Variants in KAZN observed in about 807,000 individuals in gnomAD.
KAZN encodes kazrin.
A neutral mutation model predicts 87.4 loss-of-function variants in KAZN; 40 were observed. That is an observed-to-expected ratio of 0.46 (90% confidence interval 0.36 to 0.60). The LOEUF (loss-of-function observed/expected upper bound fraction) is 0.60. Among genes scored for constraint, KAZN ranks in the 20% least tolerant of loss-of-function variants. KAZN has a pLI of 0.00. For synonymous variants in KAZN, 466 were observed against 458.3 expected (o/e 1.02, Z -0.22); for missense variants, 898 against 1,073.9 (o/e 0.84, Z 2.29).
intron 1 of KAZN, among the ~76,000 whole-genome samples, chr1:14,880,371 G>T (rs755632459): frequency 4.5e-4 from 69 of 152,186 alleles, no homozygotes; most frequent in Admixed American, 2.6e-4. Context: ...GTGGAGCTAG[G>T]ATTTGCACCT....
intron 1 of KAZN, among the ~76,000 whole-genome samples, chr1:14,123,897 T>C (rs1041381901): frequency 1.3e-5 from 2 of 152,184 alleles, no homozygotes; most frequent in Admixed American, 6.5e-5. Context: ...TGGGGCCTTT[T>C]CTTCACCAGC....
At chr1:13,935,088 T>G (rs1483106860) in intron 1 of KAZN, among the ~76,000 whole-genome samples, 1 of 149,922 alleles carries the variant, frequency 6.7e-6, no homozygotes, top group Non-Finnish European at 1.5e-5. Flanking sequence ...GATAGAAAAA[T>G]TAGCCAGGTG....
At chr1:14,971,791 G>T (rs1318800033) in intron 2 of KAZN, among the ~76,000 whole-genome samples, 2 of 150,738 alleles carry the variant, frequency 1.3e-5, no homozygotes, top group East Asian at 3.9e-4. Flanking sequence ...ACACCATTCG[G>T]CACCAGGAGT....
At chr1:13,961,009 G>C (rs1180168318) in intron 1 of KAZN, among the ~76,000 whole-genome samples, 51 of 152,184 alleles carry the variant, frequency 3.4e-4, no homozygotes, top group Non-Finnish European at 2.9e-5. Context: ...CTGTATGCCA[G>C]GCACATTCTA....
At chr1:14,669,311 G>A (rs375455547) in intron 1 of KAZN, among the ~76,000 whole-genome samples, 14 of 152,222 alleles carry the variant, frequency 9.2e-5, no homozygotes, top group African/African-American at 3.4e-4. Context: ...GAGCCAGTAG[G>A]TAAAGGTCAG....
At chr1:14,552,062 T>C (rs1002203799) in intron 2 of KAZN, among the ~76,000 whole-genome samples, 2 of 152,054 alleles carry the variant, frequency 1.3e-5, no homozygotes, top group African/African-American at 4.8e-5. Flanking sequence ...TTTCTAGGAG[T>C]TGGTTCAAAG....
chr1:14,176,797 C>T (rs935150969), intron 1 of KAZN, among the ~76,000 whole-genome samples: 18 of 152,250 alleles, frequency 1.2e-4, no homozygotes, highest in Admixed American at 8.5e-4. Context: ...AGGGATTAAT[C>T]GAGGATTTAC....
chr1:14,524,475 AC>A (rs1287029113), intron 2 of KAZN, among the ~76,000 whole-genome samples: 4 of 152,194 alleles, frequency 2.6e-5, no homozygotes, highest in Non-Finnish European at 5.9e-5. Context: ...ATTTCTAAAA[AC>A]AAAAGATTAG....
At chr1:14,851,661 G>C (rs1334841993) in intron 1 of KAZN, among the ~76,000 whole-genome samples, 1 of 152,224 alleles carries the variant, frequency 6.6e-6, no homozygotes, top group Non-Finnish European at 1.5e-5. Context: ...TTCCACCTGG[G>C]CGTTGACTTA....
chr1:14,419,424 A>G (rs1665162807), intron 2 of KAZN, among the ~76,000 whole-genome samples: 1 of 152,128 alleles, frequency 6.6e-6, no homozygotes, highest in African/African-American at 2.4e-5. Context: ...TTGTCACAGA[A>G]CATGAGTGCC....
intron 1 of KAZN, among the ~76,000 whole-genome samples, chr1:13,895,655 G>A (rs1639011923): frequency 6.6e-6 from 1 of 152,174 alleles, no homozygotes; most frequent in Non-Finnish European, 1.5e-5. Context: ...TTACAGTCCA[G>A]CAGGTATCAC....
chr1:15,006,913 C>T (rs912627999), intron 2 of KAZN, among the ~76,000 whole-genome samples: 4 of 151,852 alleles, frequency 2.6e-5, no homozygotes, highest in Non-Finnish European at 5.9e-5. Context: ...AAAAACTAGC[C>T]GGGCATGGTG....
chr1:14,707,607 C>T (rs767508511), intron 1 of KAZN, among the ~76,000 whole-genome samples: 7 of 152,214 alleles, frequency 4.6e-5, no homozygotes, highest in Admixed American at 1.3e-4. Context: ...CAGAGGAGCC[C>T]GGGGATTTCT....
intron 2 of KAZN, among the ~76,000 whole-genome samples, chr1:14,470,438 A>G (rs1668392812): frequency 6.6e-6 from 1 of 152,214 alleles, no homozygotes; most frequent in Non-Finnish European, 1.5e-5. Flanking sequence ...ACACCAAAGC[A>G]GAGAGAAAGG....
intron 2 of KAZN, among the ~76,000 whole-genome samples, chr1:14,257,536 G>T (rs1442171519): frequency 3.5e-5 from 5 of 143,908 alleles, no homozygotes; most frequent in African/African-American, 5.3e-5. Flanking sequence ...TGGACATGAA[G>T]TCCTTGCCCA....
chr1:15,112,742 C>CT, intron 14 of KAZN: 1 of 518,702 alleles, frequency 1.9e-6, no homozygotes. Flanking sequence ...ACAAAGCCCC[C>CT]GCAGGGCTTC....
intron 1 of KAZN, among the ~76,000 whole-genome samples, chr1:13,932,258 A>T (rs889338609): frequency 2.6e-4 from 11 of 43,126 alleles, no homozygotes; most frequent in African/African-American, 8.1e-4. Context: ...CTTATTAAAC[A>T]TTTTTTTTTT....
chr1:13,893,556 CAAGT>C, exon 1 of KAZN: 1 of 1,466,924 alleles, frequency 6.8e-7, no homozygotes, highest in African/African-American at 1.4e-5. Context: ...TTGGAAGTGA[CAAGT>C]AGCCTCAGAT....
intron 2 of KAZN, among the ~76,000 whole-genome samples, chr1:14,556,052 T>G (rs1275554537): frequency 6.6e-6 from 1 of 151,964 alleles, no homozygotes; most frequent in Non-Finnish European, 1.5e-5. Flanking sequence ...GAGTACACCA[T>G]GGAAACTGGC....
Sources: allele counts gnomAD v4.1 joint callset (sites outside exome capture counted in the v4.1 genomes callset), GRCh38; gene constraint gnomAD v4.1.1; transcripts MANE v1.5; gene names NCBI Gene and HGNC (gene_info 2026-07-23, HGNC 2026-07-21).